RSRC1: variants seen among roughly 807,000 people sequenced by gnomAD.
The protein encoded by RSRC1 is serine/Arginine-related protein 53.
RSRC1 carries 39 observed loss-of-function variants against 49.1 expected under a neutral mutation model. The ratio of observed to expected loss-of-function variants is 0.79; its 90% CI spans 0.61 to 1.04. The LOEUF is 1.04. Among genes scored for constraint, RSRC1 ranks in the 50% least tolerant of loss-of-function variants. The pLI is 0.00. For missense variants in RSRC1, 388 were observed against 402.4 expected (o/e 0.96, Z 0.31); for synonymous variants, 143 against 130.8 (o/e 1.09, Z -0.63).
intron 3 of RSRC1, among the ~76,000 whole-genome samples, chr3:158,201,710 A>G (rs1721057539): frequency 6.6e-6 from 1 of 152,090 alleles, no homozygotes; most frequent in Non-Finnish European, 1.5e-5. Flanking sequence ...GTATTCTGGT[A>G]TTTCTATTGA....
At chr3:158,211,209 G>GAAACTTACTAA (rs1721654506) in intron 4 of RSRC1, among the ~76,000 whole-genome samples, 1 of 151,812 alleles carries the variant, frequency 6.6e-6, no homozygotes, top group Non-Finnish European at 1.5e-5. Context: ...GTAGTGTAAT[G>GAAACTTACTAA]GAAGACCCTT....
intron 5 of RSRC1, among the ~76,000 whole-genome samples, chr3:158,316,793 T>G (rs1174830573): frequency 2.0e-5 from 3 of 152,200 alleles, no homozygotes; most frequent in Non-Finnish European, 4.4e-5. Flanking sequence ...TGGCCTGCTC[T>G]TGGTGCAAAC....
At chr3:158,500,584 G>T (rs978023340) in intron 7 of RSRC1, among the ~76,000 whole-genome samples, 1 of 151,976 alleles carries the variant, frequency 6.6e-6, no homozygotes, top group African/African-American at 2.4e-5. Context: ...GCTGATTTAA[G>T]CTAGGAGGGT....
At chr3:158,292,805 A>T (rs1375497912) in intron 4 of RSRC1, among the ~76,000 whole-genome samples, 1 of 152,138 alleles carries the variant, frequency 6.6e-6, no homozygotes, top group Non-Finnish European at 1.5e-5. Flanking sequence ...CATGTACATT[A>T]TCCTTCTTAC....
chr3:158,449,953 G>A (rs1453368210), intron 6 of RSRC1, among the ~76,000 whole-genome samples: 2 of 151,904 alleles, frequency 1.3e-5, no homozygotes, highest in Non-Finnish European at 2.9e-5. Context: ...AACTATAATT[G>A]ACGTGTCCTC....
chr3:158,466,089 T>G (rs557003687), intron 7 of RSRC1, among the ~76,000 whole-genome samples: 45 of 152,210 alleles, frequency 3.0e-4, no homozygotes, highest in Non-Finnish European at 5.1e-4. Flanking sequence ...GATTCAGTTT[T>G]TTCTATTCCA....
chr3:158,450,305 A>G (rs1736953064), intron 6 of RSRC1, among the ~76,000 whole-genome samples: 1 of 150,032 alleles, frequency 6.7e-6, no homozygotes, highest in South Asian at 2.1e-4. Flanking sequence ...GCATTTGCTG[A>G]TAATAAACCA....
At chr3:158,482,345 G>A (rs1048980533) in intron 7 of RSRC1, among the ~76,000 whole-genome samples, 2 of 152,026 alleles carry the variant, frequency 1.3e-5, no homozygotes, top group Admixed American at 6.6e-5. Flanking sequence ...ATTATGTTCA[G>A]TAATCTCTTT....
At chr3:158,159,785 A>G (rs982674646) in intron 3 of RSRC1, among the ~76,000 whole-genome samples, 3 of 152,140 alleles carry the variant, frequency 2.0e-5, no homozygotes, top group South Asian at 2.1e-4. Context: ...ACCTCAGTCT[A>G]TTAAAAAAAA....
chr3:158,328,992 T>G (rs1479406935), intron 5 of RSRC1, among the ~76,000 whole-genome samples: 1 of 152,230 alleles, frequency 6.6e-6, no homozygotes, highest in Non-Finnish European at 1.5e-5. Flanking sequence ...TCATTTGATT[T>G]TCCATCCCTG....
At chr3:158,380,993 A>C (rs1373208623) in intron 6 of RSRC1, among the ~76,000 whole-genome samples, 1 of 152,124 alleles carries the variant, frequency 6.6e-6, no homozygotes, top group African/African-American at 2.4e-5. Context: ...ATTTGTGACA[A>C]TTTTAAAAAC....
intron 4 of RSRC1, among the ~76,000 whole-genome samples, chr3:158,240,741 G>T (rs1723524946): frequency 6.6e-6 from 1 of 152,136 alleles, no homozygotes; most frequent in Admixed American, 6.5e-5. Flanking sequence ...TAAGTGGCAT[G>T]CTGTTCTGAG....
chr3:158,256,108 A>G (rs1340256590), intron 4 of RSRC1, among the ~76,000 whole-genome samples: 5 of 151,968 alleles, frequency 3.3e-5, no homozygotes, highest in Admixed American at 3.3e-4. Context: ...GTTGAATCCG[A>G]GTGGTGAGAG....
At position 158,267,333 on chromosome 3, in the gene RSRC1, T is replaced by C. The variant is rs961860471; in HGVS notation, c.495-30706T>C. ...TGCGTGAGAGTGATTTTTGTTCATG[T>C]TTAGCCAAACTGAAAAGCTCACTTT... On this transcript the variant is annotated intron_variant, in intron 4 of 9. Transcript: ENST00000611884. Among the ~76,000 whole-genome samples the C allele has an allele frequency of 2.0e-5, 3 of 152,192 alleles. No individual in the cohort carries two copies. The East Asian group carries it at 5.8e-4, about 29-fold the overall frequency.
chr3:158,194,381 A>G (rs1720422544), intron 3 of RSRC1, among the ~76,000 whole-genome samples: 1 of 152,068 alleles, frequency 6.6e-6, no homozygotes, highest in African/African-American at 2.4e-5. Context: ...TTTTTTTTAA[A>G]TATACACTGA....
chr3:158,305,155 C>T (rs1411349964), intron 5 of RSRC1, among the ~76,000 whole-genome samples: 1 of 151,998 alleles, frequency 6.6e-6, no homozygotes, highest in Non-Finnish European at 1.5e-5. Flanking sequence ...CTCTGCCCTT[C>T]CCCAATCCCT....
intron 6 of RSRC1, among the ~76,000 whole-genome samples, chr3:158,378,141 C>T (rs370608702): frequency 6.6e-6 from 1 of 152,090 alleles, no homozygotes; most frequent in Admixed American, 6.5e-5. Context: ...TAACATGTTT[C>T]AGTTCTAAAA....
At chr3:158,129,085 A>G (rs1373074677) in intron 3 of RSRC1, among the ~76,000 whole-genome samples, 1 of 151,882 alleles carries the variant, frequency 6.6e-6, no homozygotes. Context: ...ATATCTTGGG[A>G]GAGATATTTT....
intron 5 of RSRC1, among the ~76,000 whole-genome samples, chr3:158,314,965 G>A (rs1252128040): frequency 6.6e-6 from 1 of 151,694 alleles, no homozygotes; most frequent in African/African-American, 2.4e-5. Flanking sequence ...CTGGGAGGCA[G>A]AGGTTGCCGT....
Sources: gnomAD v4.1 joint callset for allele counts (sites outside exome capture counted in the v4.1 genomes callset) on GRCh38, gnomAD v4.1.1 for gene constraint, MANE v1.5 for transcripts, NCBI Gene and HGNC (gene_info 2026-07-23, HGNC 2026-07-21) for gene names.